CDK17: variants seen among roughly 807,000 people sequenced by gnomAD.
CDK17 encodes cyclin dependent kinase 17, also known as cyclin-dependent kinase 17.
In CDK17, 24 loss-of-function variants were observed where a neutral mutation model predicts 77.6. That is an observed-to-expected ratio of 0.31 (90% confidence interval 0.22 to 0.44). The LOEUF is 0.44. CDK17 is among the 20% of genes least tolerant of loss of function. CDK17 has a pLI of 1.00. For synonymous variants in CDK17, 203 were observed against 210.4 expected, an observed-to-expected ratio of 0.96 and a Z score of 0.30; for missense variants, 429 against 622.5, an observed-to-expected ratio of 0.69 and a Z score of 3.31.
chr12:96,324,092 T>A lies in CDK17; in HGVS notation c.139A>T (p.Arg47Trp). The A allele has an allele frequency of 6.2e-7, 1 of 1,607,458 alleles. No individual in the cohort carries two copies. The highest frequency in any genetic ancestry group is 2.2e-5 in the East Asian group (1 of 44,718). The stretch of plus-strand genomic sequence containing the variant: ...TGCATACTGTGAGACGTTGGAGGCC[T>A]GCCATTCTTCACAATAGGCTCTGTG... Reference protein sequence around the residue: ...KDNEPIVKNGRPPTSHSMHSF... With the variant: ...KDNEPIVKNGWPPTSHSMHSF... Residue 47 changes from arginine (R) to tryptophan (W), a missense_variant, in exon 3 of 17, where the codon AGG (arginine) becomes TGG (tryptophan). Physicochemically the swap from Arg to Trp is moderately radical, Grantham distance 101 (BLOSUM62 -3). Coordinates refer to ENST00000261211, the MANE Select transcript of CDK17 (RefSeq NM_002595.5).
intron 2 of CDK17, among the ~76,000 whole-genome samples, chr12:96,329,608 A>G (rs1952939385): frequency 6.6e-6 from 1 of 152,166 alleles, no homozygotes; most frequent in Non-Finnish European, 1.5e-5. Flanking sequence ...ACATATATCC[A>G]ATGGAGTTTA....
intron 15 of CDK17, chr12:96,281,864 G>A (rs762799392): frequency 6.6e-6 from 1 of 152,184 alleles, no homozygotes; most frequent in Admixed American, 6.5e-5. Flanking sequence ...ATGAGAATAG[G>A]AAATTAATGA....
intron 10 of CDK17, among the ~76,000 whole-genome samples, chr12:96,293,250 G>C (rs1952351450): frequency 6.6e-6 from 1 of 151,994 alleles, no homozygotes; most frequent in African/African-American, 2.4e-5. Context: ...TGTTGCCCAG[G>C]CTGGTCTTAA....
intron 1 of CDK17, among the ~76,000 whole-genome samples, chr12:96,358,293 C>T (rs977514228): frequency 3.7e-5 from 5 of 134,346 alleles, no homozygotes; most frequent in Non-Finnish European, 7.6e-5. Flanking sequence ...TGTATAACTA[C>T]ATACACACAC....
Position 96,282,480 on chromosome 12 carries a change from C to G in CDK17, c.1456+29G>C, listed in dbSNP as rs752865496. The G allele has an allele frequency of 1.9e-5, 27 of 1,423,844 alleles. 1 individual carries two copies. In the South Asian group the frequency reaches 3.0e-4, roughly 16 times the overall value. 88.2% of individuals were successfully genotyped at this position (1,423,844 alleles called of 1,614,324 possible). On this transcript the variant is annotated intron_variant, in intron 15 of 16. Coordinates refer to ENST00000261211, the MANE Select transcript of CDK17 (RefSeq NM_002595.5). ...TAACCTTGGACAAATAAAAATAAAG[C>G]AGGGAAAACACTTTAGGATTTCTCT...
At chr12:96,390,773 A>G (rs1457995728) in intron 1 of CDK17, among the ~76,000 whole-genome samples, 2 of 151,260 alleles carry the variant, frequency 1.3e-5, no homozygotes, top group African/African-American at 2.4e-5. Flanking sequence ...TTAAAAGTAG[A>G]CCATGGAACA....
At chr12:96,365,800 G>A (rs1230476165) in intron 1 of CDK17, among the ~76,000 whole-genome samples, 1 of 152,236 alleles carries the variant, frequency 6.6e-6, no homozygotes, top group African/African-American at 2.4e-5. Context: ...CCAGCTACTT[G>A]GGGGGCTGAG....
chr12:96,372,309 T>C (rs1456809765), intron 1 of CDK17, among the ~76,000 whole-genome samples: 3 of 152,134 alleles, frequency 2.0e-5, no homozygotes, highest in East Asian at 1.9e-4. Context: ...CCCTCTTATA[T>C]GGCCAGTTAA....
chr12:96,359,031 A>T (rs997104168), intron 1 of CDK17, among the ~76,000 whole-genome samples: 1 of 151,376 alleles, frequency 6.6e-6, no homozygotes, highest in Non-Finnish European at 1.5e-5. Context: ...CATTAGGTAT[A>T]AAATTTGATG....
At chr12:96,396,490 TA>T (rs1954171324) in intron 1 of CDK17, among the ~76,000 whole-genome samples, 1 of 152,226 alleles carries the variant, frequency 6.6e-6, no homozygotes, top group African/African-American at 2.4e-5. Flanking sequence ...AAATGCTACA[TA>T]AAGCACATTT....
At position 96,289,191 on chromosome 12, in the gene CDK17, T is replaced by C. The variant is rs753288277; in HGVS notation, c.1094A>G (p.Glu365Gly). Residue 365 changes from glutamate to glycine, a missense_variant, in exon 11 of 17, where the codon GAG (glutamate) becomes GGG (glycine). Physicochemically the swap from Glu to Gly is moderately conservative, Grantham distance 98 (BLOSUM62 -2). Coordinates refer to ENST00000261211, the MANE Select transcript of CDK17 (RefSeq NM_002595.5). ...RPPDVLLGSS[E>G]YSTQIDMWGV... is the part of the protein sequence containing the mutation. Reference sequence around the variant, plus strand: ...CCACATGTCAATCTGTGTTGAGTACTCCGAGGAACCAAGAAGCACATCAGG... The same window carrying C: ...CCACATGTCAATCTGTGTTGAGTACCCCGAGGAACCAAGAAGCACATCAGG... 6.2e-7 allele frequency: 1 copy of C among 1,613,954 alleles called. No individual in the cohort carries two copies. The highest frequency in any genetic ancestry group is 8.5e-7 in the Non-Finnish European group (1 of 1,179,842).
intron 10 of CDK17, among the ~76,000 whole-genome samples, chr12:96,291,284 G>A (rs1233574843): frequency 6.6e-6 from 1 of 152,080 alleles, no homozygotes; most frequent in East Asian, 1.9e-4. Flanking sequence ...GATAAAAGTA[G>A]TTGTTGTTTT....
rs1037150944 is a variant in CDK17, at chr12:96,317,892, A to G, written c.284-4438T>C. 4.0e-5 allele frequency among the ~76,000 whole-genome samples: 6 copies of G among 148,760 alleles called. 1 individual carries two copies. The highest frequency in any genetic ancestry group is 1.5e-4 in the African/African-American group (6 of 40,672). On this transcript the variant is annotated intron_variant, in intron 3 of 16. Coordinates refer to ENST00000261211, the MANE Select transcript of CDK17 (RefSeq NM_002595.5). ...AGACTAGGAAGAAACTGCATCAACT[A>G]ATGAGCAAAATCACCACCTAACATC...
intron 1 of CDK17, 37 bp downstream of exon 1, chr12:96,399,949 G>A: frequency 2.8e-6 from 1 of 358,962 alleles, no homozygotes; most frequent in Non-Finnish European, 5.0e-6. Flanking sequence ...CCCGACACCA[G>A]GGGAAAGCGC....
At chr12:96,307,892 C>T (rs182842476) in intron 5 of CDK17, among the ~76,000 whole-genome samples, 5 of 150,948 alleles carry the variant, frequency 3.3e-5, no homozygotes, top group South Asian at 2.1e-4. Context: ...CACACACACA[C>T]AAAAAATGTC....
At chr12:96,315,169 T>C (rs554182613) in intron 3 of CDK17, among the ~76,000 whole-genome samples, 7 of 152,386 alleles carry the variant, frequency 4.6e-5, no homozygotes, top group African/African-American at 1.7e-4. Context: ...GAGACAATTG[T>C]ATTTTATAAG....
At chr12:96,382,831 T>G (rs766649322) in intron 1 of CDK17, among the ~76,000 whole-genome samples, 4 of 152,004 alleles carry the variant, frequency 2.6e-5, no homozygotes, top group Non-Finnish European at 5.9e-5. Flanking sequence ...TGGGCAAAAG[T>G]TGCAACAATT....
In CDK17 at chr12:96,367,521, C is replaced by CTATTATTTAA. The variant is rs1282803064; in HGVS notation, c.-30+32455_-30+32464dup. Among the ~76,000 whole-genome samples the CTATTATTTAA allele has an allele frequency of 2.0e-5, 3 of 151,892 alleles. No homozygotes were observed. The East Asian group carries it at 5.8e-4, about 29-fold the overall frequency. On this transcript the variant is annotated intron_variant, in intron 1 of 16. Coordinates refer to ENST00000261211, the MANE Select transcript of CDK17 (RefSeq NM_002595.5). ...TTAATGAACTAGAGCAGATTCAGAA[C>CTATTATTTAA]TATTATTTAATATTACTCTCAGTTA...
At chr12:96,315,179 G>A (rs1952694496) in intron 3 of CDK17, among the ~76,000 whole-genome samples, 1 of 152,176 alleles carries the variant, frequency 6.6e-6, no homozygotes, top group Non-Finnish European at 1.5e-5. Flanking sequence ...TATTTTATAA[G>A]TATAAATGTT....
Sources: gnomAD v4.1 joint callset for allele counts (sites outside exome capture counted in the v4.1 genomes callset) on GRCh38, gnomAD v4.1.1 for gene constraint, MANE v1.5 for transcripts, NCBI Gene and HGNC (gene_info 2026-07-23, HGNC 2026-07-21) for gene names.